The following EPSTI1 variants were observed in gnomAD, a reference collection of about 807,000 sequenced individuals.
EPSTI1 encodes epithelial-stromal interaction protein 1.
Under a neutral mutation model 49.9 loss-of-function variants are expected in EPSTI1, and 66 were observed. That is an observed-to-expected ratio of 1.32 (90% CI 1.08 to 1.62). The LOEUF (loss-of-function observed/expected upper bound fraction) is 1.62. EPSTI1 is among the 40% of genes most tolerant of loss of function. The pLI is 0.00. For missense variants in EPSTI1, 394 were observed against 365.5 expected (o/e 1.08, Z -0.64); for synonymous variants, 137 against 130.7 (o/e 1.05, Z -0.33).
At chr13:42,925,036 TAC>T (rs2038128108) in intron 7 of EPSTI1, among the ~76,000 whole-genome samples, 1 of 152,184 alleles carries the variant, frequency 6.6e-6, no homozygotes, top group African/African-American at 2.4e-5. Flanking sequence ...CATCCTTAAT[TAC>T]ACTTACTTTC....
chr13:42,932,728 C>A (rs1276082373), intron 6 of EPSTI1, among the ~76,000 whole-genome samples: 1 of 151,918 alleles, frequency 6.6e-6, no homozygotes, highest in Admixed American at 6.6e-5. Flanking sequence ...ATATCTCCCC[C>A]AAAACATTCA....
intron 6 of EPSTI1, among the ~76,000 whole-genome samples, chr13:42,930,573 T>C (rs1355413989): frequency 6.6e-6 from 1 of 152,114 alleles, no homozygotes; most frequent in Non-Finnish European, 1.5e-5. Flanking sequence ...GTAGTAATGC[T>C]GGGAGAACTT....
chr13:42,933,286 G>A (rs538513907), intron 6 of EPSTI1, among the ~76,000 whole-genome samples: 2 of 138,712 alleles, frequency 1.4e-5, no homozygotes, highest in South Asian at 4.8e-4. Flanking sequence ...TTCTCTCTAA[G>A]TTGGAAATTA....
chr13:42,969,357 C>T (rs2153433004), intron 2 of EPSTI1, 180 bp from the exon 3 acceptor site: 2 of 622,434 alleles, frequency 3.2e-6, no homozygotes, highest in Non-Finnish European at 2.7e-6. Context: ...ATCCTGGGCC[C>T]GGCCCTGTGG....
intron 10 of EPSTI1, 88 bp from the exon 11 acceptor site, chr13:42,888,590 C>A (rs148382552): frequency 8.2e-6 from 11 of 1,344,978 alleles, no homozygotes; most frequent in African/African-American, 1.5e-5. Flanking sequence ...CTGCAAAGAA[C>A]GCTCTTATGC....
intron 5 of EPSTI1, among the ~76,000 whole-genome samples, chr13:42,962,155 G>A (rs2039470412): frequency 6.6e-6 from 1 of 152,198 alleles, no homozygotes; most frequent in African/African-American, 2.4e-5. Flanking sequence ...CACATCTGTG[G>A]AAGAACAAGG....
chr13:42,893,323 C>T (rs1216813691), intron 10 of EPSTI1, among the ~76,000 whole-genome samples: 2 of 152,070 alleles, frequency 1.3e-5, no homozygotes, highest in Non-Finnish European at 2.9e-5. Flanking sequence ...AACAAAGTCC[C>T]CCAGGAGGTG....
intron 10 of EPSTI1, chr13:42,889,252 TAAAA>T (rs776521078): frequency 6.6e-7 from 1 of 1,506,026 alleles, no homozygotes; most frequent in Non-Finnish European, 8.9e-7. Context: ...CCTAGAAAAA[TAAAA>T]AAATATATTT....
rs1360516339 is a variant in EPSTI1, at chr13:42,965,714, TCTC to T, written c.332-1578_332-1576del. Among the ~76,000 whole-genome samples the T allele has an allele frequency of 2.5e-3, 11 of 4,446 alleles. 1 individual carries two copies. Among genetic ancestry groups the T allele is most frequent in the African/African-American group, 3.7e-3 (6 of 1,642 alleles). The allele number at this position is 4,446 out of a possible 152,430, so 2.9% of individuals were successfully genotyped here. ...CTCTCCCTCTCCCTCTCCCTCTCCC[TCTC>T]CCTCTCCCTCTCCCTCGTCTCCCTC... On this transcript the variant is annotated intron_variant, in intron 3 of 10. Coordinates refer to ENST00000313624, the MANE Select transcript of EPSTI1 (RefSeq NM_033255.5).
At chr13:42,929,891 T>C (rs1237585010) in intron 6 of EPSTI1, among the ~76,000 whole-genome samples, 1 of 152,162 alleles carries the variant, frequency 6.6e-6, no homozygotes, top group Non-Finnish European at 1.5e-5. Flanking sequence ...CCAGATTTCA[T>C]AGAACAATAG....
At chr13:42,988,042 A>C (rs2040116902) in intron 1 of EPSTI1, among the ~76,000 whole-genome samples, 1 of 152,176 alleles carries the variant, frequency 6.6e-6, no homozygotes, top group South Asian at 2.1e-4. Flanking sequence ...TTATAGGTTC[A>C]TTTTCAAAAT....
chr13:42,959,836 C>A (rs2039392053), intron 5 of EPSTI1, among the ~76,000 whole-genome samples: 1 of 152,196 alleles, frequency 6.6e-6, no homozygotes, highest in South Asian at 2.1e-4. Flanking sequence ...AGTTCCATAT[C>A]TGCTGACTCA....
At chr13:42,978,768 A>G (rs2039930098) in intron 1 of EPSTI1, among the ~76,000 whole-genome samples, 1 of 152,248 alleles carries the variant, frequency 6.6e-6, no homozygotes, top group Non-Finnish European at 1.5e-5. Context: ...GTATGTAATT[A>G]TAACAACTAT....
At position 42,930,265 on chromosome 13, in the gene EPSTI1, C is replaced by T. The variant is rs139943486; in HGVS notation, c.564-3836G>A. 3.3e-3 allele frequency among the ~76,000 whole-genome samples: 507 copies of T among 152,282 alleles called. 3 individuals are homozygous for T. The highest frequency in any genetic ancestry group is 0.012 in the African/African-American group (478 of 41,552). ...ATAGCTTCACAAACCTGAACTTTGC[C>T]ACCATGAGGTTTAGGTAAGTAATCA... On this transcript the variant is annotated intron_variant, in intron 6 of 10. Transcript: ENST00000313624.
At chr13:42,951,174 A>T (rs1003913023) in intron 6 of EPSTI1, among the ~76,000 whole-genome samples, 1 of 152,004 alleles carries the variant, frequency 6.6e-6, no homozygotes, top group Non-Finnish European at 1.5e-5. Flanking sequence ...AAGAAAAAAA[A>T]TCCAAAGCAC....
chr13:42,907,581 T>C (rs1248535897), intron 8 of EPSTI1, among the ~76,000 whole-genome samples: 1 of 152,242 alleles, frequency 6.6e-6, no homozygotes, highest in East Asian at 1.9e-4. Flanking sequence ...CCAGTAATAG[T>C]ACTTCAGTGT....
chr13:42,917,640 G>GATAAAAA lies in EPSTI1; in HGVS notation c.658-17_658-16insTTTTTAT. On this transcript the variant is annotated splice_polypyrimidine_tract_variant and intron_variant, in intron 7 of 10. Coordinates refer to ENST00000313624, the MANE Select transcript of EPSTI1 (RefSeq NM_033255.5). Reference sequence around the variant, plus strand: ...AGCTTCTGGCCTGTAAAGGTACAAAGAGAAAAAAAAAAAAAAAAACAACTT... The same window carrying GATAAAAA: ...AGCTTCTGGCCTGTAAAGGTACAAAGATAAAAAAGAAAAAAAAAAAAAAAAACAACTT... The GATAAAAA allele has an allele frequency of 6.7e-6, 1 of 149,410 alleles. No individual in the cohort carries two copies. The highest frequency in any genetic ancestry group is 1.1e-5 in the Non-Finnish European group (1 of 92,632). The allele number at this position is 149,410 out of a possible 1,614,324, so 9.3% of individuals were successfully genotyped here.
At chr13:42,946,821 C>A (rs1174032072) in intron 6 of EPSTI1, among the ~76,000 whole-genome samples, 1 of 152,204 alleles carries the variant, frequency 6.6e-6, no homozygotes, top group Non-Finnish European at 1.5e-5. Context: ...CATAGGAGAA[C>A]AAACCCTATT....
At position 42,970,615 on chromosome 13, in the gene EPSTI1, T is replaced by A. The variant is rs149604146; in HGVS notation, c.244A>T (p.Arg82Ter). 2.5e-6 allele frequency: 4 copies of A among 1,609,236 alleles called. No homozygotes were observed. The African/African-American group carries it at 4.0e-5, about 16-fold the overall frequency. The change falls in exon 2 of 11, where the codon AGA becomes TGA. Residue 82 changes from arginine to a stop codon, truncating the protein, a stop_gained. Coordinates refer to ENST00000313624, the MANE Select transcript of EPSTI1 (RefSeq NM_033255.5). LOFTEE classifies it high-confidence loss of function. Reference sequence around the variant, plus strand: ...TTAAATGAATGACTATACATACTTCTTTGTATCTCATTTCTCCGGTTTATA... The same window carrying A: ...TTAAATGAATGACTATACATACTTCATTGTATCTCATTTCTCCGGTTTATA... ...PNINRRNEIQ[R>*]IAEQELANLE...
Sources: allele counts gnomAD v4.1 joint callset (sites outside exome capture counted in the v4.1 genomes callset), GRCh38; gene constraint gnomAD v4.1.1; transcripts MANE v1.5; gene names NCBI Gene and HGNC (gene_info 2026-07-23, HGNC 2026-07-21).